Variants in UNC80 observed in about 807,000 individuals in gnomAD.
The protein encoded by UNC80 is protein unc-80 homolog.
In UNC80, 164 loss-of-function variants were observed where a neutral mutation model predicts 384.6. That is an observed-to-expected ratio of 0.43 (90% CI 0.38 to 0.49). The LOEUF (loss-of-function observed/expected upper bound fraction) is 0.49, where lower values mean the gene tolerates loss of function less well. UNC80 is among the 20% of genes least tolerant of loss of function. The probability of loss-of-function intolerance (pLI) is 0.00; values close to 1 mark genes in which losing one functional copy is unlikely to be tolerated. For missense variants in UNC80, 3,330 were observed against 4,143.0 expected, an observed-to-expected ratio of 0.80 and a Z score of 5.39; for synonymous variants, 1,486 against 1,527.8, an observed-to-expected ratio of 0.97 and a Z score of 0.64.
chr2:209,872,059 G>A lies in UNC80; in HGVS notation c.3628-699G>A, dbSNP rs2084349518. On this transcript the variant is annotated intron_variant, in intron 22 of 64. Coordinates refer to ENST00000673920, the MANE Select transcript of UNC80 (RefSeq NM_001371986.1). This position sits in a 1 kb window ranked among gnomAD's most constrained non-coding sequence, Gnocchi z 4.1. ...ACTCTGTCTCCCAGGCTGGAGTGCA[G>A]TGGCGCGATCTCAGCTAACTGCAAC... Among the ~76,000 whole-genome samples the A allele has an allele frequency of 2.0e-5, 3 of 151,848 alleles. No homozygotes were observed. Among genetic ancestry groups the A allele is most frequent in the African/African-American group, 7.3e-5 (3 of 41,316 alleles).
intron 9 of UNC80, among the ~76,000 whole-genome samples, 187 bp from the exon 10 acceptor site, chr2:209,816,722 C>T (rs1247292782): frequency 6.6e-6 from 1 of 152,146 alleles, no homozygotes; most frequent in African/African-American, 2.4e-5. Context: ...TGGCCTTTTA[C>T]TTAGTTTCTT....
intron 22 of UNC80, among the ~76,000 whole-genome samples, chr2:209,871,871 G>T (rs2084328211): frequency 6.8e-6 from 1 of 147,694 alleles, no homozygotes; most frequent in Admixed American, 6.8e-5. Context: ...TCTTTCTGAA[G>T]AAATGCTCTA....
intron 42 of UNC80, 142 bp from the exon 43 acceptor site, chr2:209,939,330 T>G: frequency 1.3e-6 from 1 of 765,944 alleles, no homozygotes; most frequent in Non-Finnish European, 2.0e-6. Context: ...TAAAAACACA[T>G]GTCTCCCTCA....
chr2:209,863,298 A>G (rs1335664252), intron 22 of UNC80, among the ~76,000 whole-genome samples: 1 of 151,958 alleles, frequency 6.6e-6, no homozygotes, highest in African/African-American at 2.4e-5. Context: ...GGAGAATCTG[A>G]TGATTATGTG....
At chr2:209,978,235 A>G (rs928013096) in intron 58 of UNC80, among the ~76,000 whole-genome samples, 2 of 152,204 alleles carry the variant, frequency 1.3e-5, no homozygotes, top group African/African-American at 2.4e-5. Flanking sequence ...CATCCTACCA[A>G]CCTTGGAAAA....
chr2:209,945,210 G>C (rs2124983593), intron 46 of UNC80, 21 bp downstream of exon 46: 2 of 1,544,512 alleles, frequency 1.3e-6, no homozygotes, highest in East Asian at 4.9e-5. Flanking sequence ...AACTTGCTTT[G>C]ACATTCTTTT....
At chr2:209,803,412 A>G (rs1290860625) in intron 7 of UNC80, among the ~76,000 whole-genome samples, 1 of 152,236 alleles carries the variant, frequency 6.6e-6, no homozygotes, top group East Asian at 1.9e-4. Context: ...ACATAATTAA[A>G]TCAGATTTGG....
intron 24 of UNC80, 75 bp from the exon 25 acceptor site, chr2:209,880,886 T>C: frequency 7.2e-7 from 1 of 1,389,824 alleles, no homozygotes; most frequent in Non-Finnish European, 9.9e-7. Flanking sequence ...CATGTGTAGC[T>C]ATGTCCATCA....
Position 209,945,266 on chromosome 2 carries a change from A to C in UNC80, c.7189+77A>C, listed in dbSNP as rs999973868. 7.2e-5 allele frequency: 101 copies of C among 1,398,688 alleles called. No individual in the cohort carries two copies. The African/African-American group carries it at 1.3e-3, about 18-fold the overall frequency. The allele number at this position is 1,398,688 out of a possible 1,614,324, so 86.6% of individuals were successfully genotyped here. On this transcript the variant is annotated intron_variant, in intron 46 of 64. Transcript: ENST00000673920. ...ATAAATATATGTATTATACACACAT[A>C]CACGTATATTTATATGTGTGTGTAT...
At chr2:209,854,385 A>G (rs1019367246) in intron 22 of UNC80, among the ~76,000 whole-genome samples, 10 of 152,130 alleles carry the variant, frequency 6.6e-5, no homozygotes, top group African/African-American at 2.2e-4. Context: ...TTCTTTATTC[A>G]TTCACCTATT....
intron 38 of UNC80, among the ~76,000 whole-genome samples, chr2:209,933,350 G>C (rs1475892553): frequency 6.6e-6 from 1 of 151,962 alleles, no homozygotes; most frequent in Admixed American, 6.6e-5. Flanking sequence ...ATTTACCTAT[G>C]TAACAAACCT....
intron 44 of UNC80, among the ~76,000 whole-genome samples, chr2:209,942,750 C>G (rs925799118): frequency 1.3e-5 from 2 of 151,558 alleles, no homozygotes; most frequent in Non-Finnish European, 2.9e-5. Flanking sequence ...ATGTTCATTA[C>G]AAAATTCAAA....
intron 52 of UNC80, 28 bp from the exon 53 acceptor site, chr2:209,969,740 C>A: frequency 6.4e-7 from 1 of 1,550,964 alleles, no homozygotes; most frequent in Non-Finnish European, 8.7e-7. Context: ...GGAGCCAAGA[C>A]GCTAATGGCG....
rs898861705 is a variant in UNC80 at position 209,904,737 on chromosome 2, C to G, written c.4582-28C>G. ...GTTTATCTGTACCCTGGTTGCCTGG[C>G]TGAGTCTCAGGAATGTTTGTATTCC... On this transcript the variant is annotated intron_variant, in intron 28 of 64. Transcript: ENST00000673920. 1.2e-5 allele frequency: 19 copies of G among 1,548,990 alleles called. No individual in the cohort carries two copies. In the African/African-American group the frequency reaches 2.3e-4, roughly 19 times the overall value.
At chr2:209,890,144 C>T (rs550789110) in intron 26 of UNC80, among the ~76,000 whole-genome samples, 12 of 152,088 alleles carry the variant, frequency 7.9e-5, no homozygotes, top group Admixed American at 3.3e-4. Flanking sequence ...AAACTATCTT[C>T]AACTCAGAGT....
At position 209,808,797 on chromosome 2, in the gene UNC80, T is replaced by TGCGCAACTCAGCGACCTCGTTGCCTCG; in HGVS notation, c.939-4781_939-4780insGCAACTCAGCGACCTCGTTGCCTCGGC. 2 of 283,598 alleles carry TGCGCAACTCAGCGACCTCGTTGCCTCG rather than the reference T, an allele frequency of 7.1e-6. 1 individual carries two copies. Among genetic ancestry groups the TGCGCAACTCAGCGACCTCGTTGCCTCG allele is most frequent in the Non-Finnish European group, 1.4e-5 (2 of 147,368 alleles). 17.6% of individuals were successfully genotyped at this position (283,598 alleles called of 1,614,324 possible). ...CGCTACTCAGCGACCTCGTTGCCTC[T>TGCGCAACTCAGCGACCTCGTTGCCTCG]GCCACCATGCCGCGCTCTTTCCTCG... On this transcript the variant is annotated intron_variant, in intron 7 of 64. Transcript: ENST00000673920.
At position 209,834,950 on chromosome 2, in the gene UNC80, C is replaced by A; in HGVS notation, c.2981C>A (p.Ser994Tyr). Residue 994 changes from serine to tyrosine, a missense_variant, in exon 18 of 65, where the codon TCC becomes TAC. Physicochemically the swap from Ser to Tyr is moderately radical, Grantham distance 144. This residue lies in a region of UNC80 where 801 missense variants were observed against 950.8 expected (regional missense o/e 0.84). Transcript: ENST00000673920. ...AGCATTGTGGATAAAGGCCAGGTATCCTCTGCACCTGAGGAATGTCGCAGC... is the reference window on the plus strand; with the variant it reads ...AGCATTGTGGATAAAGGCCAGGTATACTCTGCACCTGAGGAATGTCGCAGC... ...AGSIVDKGQVSSAPEECRSFM... is the reference protein window; with the variant it reads ...AGSIVDKGQVYSAPEECRSFM... The A allele has an allele frequency of 1.3e-6, 2 of 1,551,122 alleles. No individual in the cohort carries two copies. Among genetic ancestry groups the A allele is most frequent in the Non-Finnish European group, 1.7e-6 (2 of 1,146,566 alleles).
At chr2:209,912,113 A>G (rs191630703) in intron 29 of UNC80, among the ~76,000 whole-genome samples, 257 of 152,312 alleles carry the variant, frequency 1.7e-3, no homozygotes, top group African/African-American at 6.1e-3. Context: ...AAGTCATTCA[A>G]CTTGCAGCAT....
intron 12 of UNC80, among the ~76,000 whole-genome samples, chr2:209,819,889 G>A (rs1463216191): frequency 1.3e-5 from 2 of 152,078 alleles, no homozygotes; most frequent in Admixed American, 6.6e-5. Flanking sequence ...TCATGAACGA[G>A]CAAAAGGAAA....
Sources: gnomAD v4.1 joint callset for allele counts (sites outside exome capture counted in the v4.1 genomes callset) on GRCh38, gnomAD v4.1.1 for gene constraint, gnomAD v4.1.1 regional missense constraint, Gnocchi (gnomAD v3.1) non-coding constraint, MANE v1.5 for transcripts, NCBI Gene and HGNC (gene_info 2026-07-23, HGNC 2026-07-21) for gene names.